FOXK1: variants seen among roughly 807,000 people sequenced by gnomAD.
FOXK1 encodes the protein forkhead box K1.
In FOXK1, 19 loss-of-function variants were observed where a neutral mutation model predicts 51.9. That is an observed-to-expected ratio of 0.37 (90% CI 0.26 to 0.54). The LOEUF is 0.54. Among genes scored for constraint, FOXK1 ranks in the 20% least tolerant of loss-of-function variants. The probability of loss-of-function intolerance (pLI) is 0.87; values close to 1 mark genes in which losing one functional copy is unlikely to be tolerated. For missense variants in FOXK1, 870 were observed against 1,032.7 expected (o/e 0.84, Z 2.16); for synonymous variants, 537 against 482.6 (o/e 1.11, Z -1.48).
intron 7 of FOXK1, 116 bp downstream of exon 7, chr7:4,759,711 C>T (rs1780906851): frequency 1.6e-6 from 2 of 1,218,392 alleles, no homozygotes; most frequent in African/African-American, 3.0e-5. Flanking sequence ...TGATTCTCTG[C>T]TTCTGCCTCT....
chr7:4,715,171 ACGATACGGGGCACGGTGGAACTGTGG>A lies in FOXK1; in HGVS notation c.561-25641_561-25616del, dbSNP rs375207305. On this transcript the variant is annotated intron_variant, in intron 1 of 8. Coordinates refer to ENST00000328914, the MANE Select transcript of FOXK1 (RefSeq NM_001037165.2). The surrounding 1 kb of genome is among the most constrained non-coding windows in gnomAD (Gnocchi z 4.5). ...TGATACGGTACATGGTGGAACTGTG[ACGATACGGGGCACGGTGGAACTGTGG>A]CGATACGGGGCACGGTGGAACTGTG... is the stretch of plus-strand genomic sequence containing the variant. 1.7e-4 allele frequency among the ~76,000 whole-genome samples: 25 copies of A among 147,792 alleles called. No homozygotes were observed. The highest frequency in any genetic ancestry group is 4.9e-4 in the African/African-American group (19 of 39,078).
In FOXK1 at chr7:4,748,284, C is replaced by T. The variant is rs76891693; in HGVS notation, c.747-6175C>T. 0.016 allele frequency among the ~76,000 whole-genome samples: 2,431 copies of T among 152,212 alleles called. 65 individuals carry two copies. Among genetic ancestry groups the T allele is most frequent in the African/African-American group, 0.055 (2,279 of 41,510 alleles). ...GTACGTGACTGTCTCTTGGTTTTTC[C>T]GTTTTAGATATTACACATGAGGTTC... On this transcript the variant is annotated intron_variant, in intron 2 of 8. Coordinates refer to ENST00000328914, the MANE Select transcript of FOXK1 (RefSeq NM_001037165.2). The surrounding 1 kb of genome is among the most constrained non-coding windows in gnomAD (Gnocchi z 4.9).
At chr7:4,725,104 C>G (rs940897703) in intron 1 of FOXK1, among the ~76,000 whole-genome samples, 1 of 152,272 alleles carries the variant, frequency 6.6e-6, no homozygotes, top group Non-Finnish European at 1.5e-5. Context: ...CCTCCGCGCC[C>G]ACGTTGCCCT....
chr7:4,704,516 T>C (rs1264205540), intron 1 of FOXK1, among the ~76,000 whole-genome samples: 1 of 151,602 alleles, frequency 6.6e-6, no homozygotes, highest in Admixed American at 6.6e-5. Flanking sequence ...ATAAATATTT[T>C]TCAAAAATTA....
At chr7:4,759,015 G>A (rs1409738154) in intron 5 of FOXK1, 36 bp from the exon 6 acceptor site, 4 of 1,547,080 alleles carry the variant, frequency 2.6e-6, no homozygotes, top group African/African-American at 2.7e-5. Context: ...CCCTCAGCGC[G>A]GGCGCTGACT....
chr7:4,739,518 C>T (rs1458674802), intron 1 of FOXK1, among the ~76,000 whole-genome samples: 1 of 152,206 alleles, frequency 6.6e-6, no homozygotes, highest in Non-Finnish European at 1.5e-5. Context: ...TAATGCTCAG[C>T]TTTGTAAAAG....
In FOXK1 at chr7:4,734,126, C is replaced by T. The variant is rs1283282438; in HGVS notation, c.561-6712C>T. On this transcript the variant is annotated intron_variant, in intron 1 of 8. Coordinates refer to ENST00000328914, the MANE Select transcript of FOXK1 (RefSeq NM_001037165.2). This position sits in a 1 kb window ranked among gnomAD's most constrained non-coding sequence, Gnocchi z 5.2. ...ACCTTAGTAACCGTGCCGCCCAGCT[C>T]CTAGAAGACACGCGACTCCACAGCA... is the stretch of plus-strand genomic sequence containing the variant. 6.6e-6 allele frequency among the ~76,000 whole-genome samples: 1 copy of T among 152,196 alleles called. No individual in the cohort carries two copies. The highest frequency in any genetic ancestry group is 1.5e-5 in the Non-Finnish European group (1 of 68,038).
chr7:4,746,571 C>T (rs1392784920), intron 2 of FOXK1, among the ~76,000 whole-genome samples: 1 of 151,894 alleles, frequency 6.6e-6, no homozygotes, highest in Non-Finnish European at 1.5e-5. Context: ...GTCTTTAGAC[C>T]CAGCTACTCG....
Position 4,731,626 on chromosome 7 carries a change from G to T in FOXK1, c.561-9212G>T, listed in dbSNP as rs184205271. Reference sequence around the variant, plus strand: ...AATACAAAAATTAGCCGGGCATGGTGGTGGGCACCTGTAATCCCAGCTACT... The same window carrying T: ...AATACAAAAATTAGCCGGGCATGGTTGTGGGCACCTGTAATCCCAGCTACT... On this transcript the variant is annotated intron_variant, in intron 1 of 8. Coordinates refer to ENST00000328914, the MANE Select transcript of FOXK1 (RefSeq NM_001037165.2). The surrounding 1 kb of genome is among the most constrained non-coding windows in gnomAD (Gnocchi z 5.3). Among the ~76,000 whole-genome samples, 4 of 152,072 alleles carry T rather than the reference G, an allele frequency of 2.6e-5. No homozygotes were observed. The highest frequency in any genetic ancestry group is 6.6e-5 in the Admixed American group (1 of 15,250).
intron 1 of FOXK1, among the ~76,000 whole-genome samples, chr7:4,698,746 G>T (rs996096820): frequency 2.8e-4 from 42 of 152,188 alleles, no homozygotes; most frequent in Middle Eastern, 3.4e-3. Flanking sequence ...TAGAAATGGG[G>T]TTTCACCATG....
In FOXK1 at chr7:4,769,723, G is replaced by C. The variant is rs1197478451; in HGVS notation, c.*7259G>C. On this transcript the variant is annotated 3_prime_UTR_variant, in exon 9 of 9. Coordinates refer to ENST00000328914, the MANE Select transcript of FOXK1 (RefSeq NM_001037165.2). This position sits in a 1 kb window ranked among gnomAD's most constrained non-coding sequence, Gnocchi z 4.1. ...CCCAAAGTGCTGGGATTATAGGCAT[G>C]AGCCACCGCGCCTGGCCTCTGTCAC... 1 of 152,288 alleles carries C rather than the reference G, an allele frequency of 6.6e-6. No homozygotes were observed. Among genetic ancestry groups the C allele is most frequent in the Non-Finnish European group, 1.5e-5 (1 of 68,112 alleles). 9.4% of individuals were successfully genotyped at this position (152,288 alleles called of 1,614,324 possible). A position where few individuals can be genotyped will look rare whatever the true frequency, so the allele number is the denominator to read the frequency against.
chr7:4,735,845 G>A lies in FOXK1; in HGVS notation c.561-4993G>A, dbSNP rs1264812276. On this transcript the variant is annotated intron_variant, in intron 1 of 8. Transcript: ENST00000328914. This position sits in a 1 kb window ranked among gnomAD's most constrained non-coding sequence, Gnocchi z 4.7. ...TGTAACTGGCAAACTCCCTGAGCAT[G>A]CTGGGGAAACATCTATTTAAAAATC... is the stretch of plus-strand genomic sequence containing the variant. Among the ~76,000 whole-genome samples, 1 of 152,198 alleles carries A rather than the reference G, an allele frequency of 6.6e-6. No homozygotes were observed. Among genetic ancestry groups the A allele is most frequent in the African/African-American group, 2.4e-5 (1 of 41,458 alleles).
Position 4,759,405 on chromosome 7 carries a change from C to A in FOXK1, c.1506C>A (p.Ile502=), listed in dbSNP as rs374666686. Residue 502 remains isoleucine (I), a synonymous_variant, in exon 7 of 9, where the codon ATC becomes ATA. Transcript: ENST00000328914. ...AKPVAYMPAS[I]VTSQQPAGHA... ...CCGTGGCCTACATGCCCGCCTCCATCGTAACCTCACAGCAGCCCGCGGGCC... is the reference window on the plus strand; with the variant it reads ...CCGTGGCCTACATGCCCGCCTCCATAGTAACCTCACAGCAGCCCGCGGGCC... 6.2e-7 allele frequency: 1 copy of A among 1,601,350 alleles called. No homozygotes were observed. The highest frequency in any genetic ancestry group is 1.3e-5 in the African/African-American group (1 of 74,970).
In FOXK1 at chr7:4,770,891, G is replaced by A. The variant is rs1340378170; in HGVS notation, c.*8427G>A. 1.3e-5 allele frequency: 2 copies of A among 150,898 alleles called. No individual in the cohort carries two copies. The highest frequency in any genetic ancestry group is 4.9e-5 in the African/African-American group (2 of 40,492). The allele number at this position is 150,898 out of a possible 1,614,324, so 9.3% of individuals were successfully genotyped here. A position where few individuals can be genotyped will look rare whatever the true frequency, so the allele number is the denominator to read the frequency against. ...TGTGTGTGTGTGTGTGTGTGTGTGT[G>A]TGTGTGTGTGTATTTTTTTTTTTAC... On this transcript the variant is annotated 3_prime_UTR_variant, in exon 9 of 9. Coordinates refer to ENST00000328914, the MANE Select transcript of FOXK1 (RefSeq NM_001037165.2).
At chr7:4,718,598 G>A (rs75423434) in intron 1 of FOXK1, among the ~76,000 whole-genome samples, 2,086 of 152,272 alleles carry the variant, frequency 0.014, 42 homozygotes, top group African/African-American at 0.048. Flanking sequence ...GGTTTCCCTC[G>A]TCAGGGTGAG....
intron 1 of FOXK1, among the ~76,000 whole-genome samples, chr7:4,692,377 G>A (rs556270666): frequency 6.6e-6 from 1 of 152,244 alleles, no homozygotes; most frequent in South Asian, 2.1e-4. Context: ...ACTAAAACCT[G>A]ACAAGGGGTA....
rs927369517 is a variant in FOXK1, at chr7:4,729,051, C to G, written c.561-11787C>G. 1.3e-5 allele frequency among the ~76,000 whole-genome samples: 2 copies of G among 152,230 alleles called. No homozygotes were observed. The highest frequency in any genetic ancestry group is 2.4e-5 in the African/African-American group (1 of 41,456). On this transcript the variant is annotated intron_variant, in intron 1 of 8. Transcript: ENST00000328914. The surrounding 1 kb of genome is among the most constrained non-coding windows in gnomAD (Gnocchi z 6.2). ...GAAAGTTAACCTGAATTGCTCGTCG[C>G]AAGCAAGCTCTGCCCGGGTCAGCCC...
intron 2 of FOXK1, among the ~76,000 whole-genome samples, chr7:4,742,925 G>A (rs888775277): frequency 2.6e-5 from 4 of 152,202 alleles, no homozygotes; most frequent in South Asian, 2.1e-4. Flanking sequence ...AGTGTCTCTC[G>A]TGGAGAGAGA....
In FOXK1 at chr7:4,769,774, G is replaced by GT. The variant is rs1562397098; in HGVS notation, c.*7316dup. 1 of 152,044 alleles carries GT rather than the reference G, an allele frequency of 6.6e-6. No homozygotes were observed. Among genetic ancestry groups the GT allele is most frequent in the Non-Finnish European group, 1.5e-5 (1 of 68,026 alleles). 9.4% of individuals were successfully genotyped at this position (152,044 alleles called of 1,614,324 possible). A position where few individuals can be genotyped will look rare whatever the true frequency, so the allele number is the denominator to read the frequency against. On this transcript the variant is annotated 3_prime_UTR_variant, in exon 9 of 9. Coordinates refer to ENST00000328914, the MANE Select transcript of FOXK1 (RefSeq NM_001037165.2). The surrounding 1 kb of genome is among the most constrained non-coding windows in gnomAD (Gnocchi z 4.1). Reference sequence around the variant, plus strand: ...TTTTTTTGCTCCTTACCCAGTTTTTGTTTTTTGTTGTTTTGTTTTGTTTTA... The same window carrying GT: ...TTTTTTTGCTCCTTACCCAGTTTTTGTTTTTTTGTTGTTTTGTTTTGTTTTA...
Sources: allele counts gnomAD v4.1 joint callset (sites outside exome capture counted in the v4.1 genomes callset), GRCh38; gene constraint gnomAD v4.1.1; non-coding constraint Gnocchi (gnomAD v3.1); transcripts MANE v1.5; gene names NCBI Gene and HGNC (gene_info 2026-07-23, HGNC 2026-07-21).